Variants in VPS53 observed in about 807,000 individuals in gnomAD.
VPS53 encodes the protein vacuolar protein sorting-associated protein 53 homolog.
A neutral mutation model predicts 107.0 loss-of-function variants in VPS53; 70 were observed. The ratio of observed to expected loss-of-function variants is 0.65; its 90% CI spans 0.54 to 0.80. The LOEUF (loss-of-function observed/expected upper bound fraction) is 0.80. Among genes scored for constraint, VPS53 ranks in the 30% least tolerant of loss-of-function variants. The pLI is 0.00. For synonymous variants in VPS53, 409 were observed against 393.3 expected (o/e 1.04, Z -0.47); for missense variants, 917 against 1,049.4 (o/e 0.87, Z 1.74).
chr17:532,827 C>T lies in VPS53; in HGVS notation c.2085+15G>A, dbSNP rs1567602442. The T allele has an allele frequency of 1.2e-6, 2 of 1,613,544 alleles. No homozygotes were observed. Among genetic ancestry groups the T allele is most frequent in the Admixed American group, 3.3e-5 (2 of 59,974 alleles). On this transcript the variant is annotated intron_variant, in intron 19 of 21. Transcript: ENST00000437048. Reference sequence around the variant, plus strand: ...AAAGCTGCCAGGCAAATGCCTGATACTACGTCCATCTCACCTGTTCTGCTC... The same window carrying T: ...AAAGCTGCCAGGCAAATGCCTGATATTACGTCCATCTCACCTGTTCTGCTC...
Position 626,491 on chromosome 17 carries a change from T to C in VPS53, c.974+683A>G, listed in dbSNP as rs997467632. On this transcript the variant is annotated intron_variant, in intron 10 of 21. Transcript: ENST00000437048. ...GACTTCAAGACCAGCCTGGCCAACG[T>C]GGTGAAACCCCATCTCTACTAAAAA... 9.2e-5 allele frequency among the ~76,000 whole-genome samples: 14 copies of C among 152,072 alleles called. No homozygotes were observed. In the East Asian group the frequency reaches 1.5e-3, roughly 17 times the overall value.
intron 17 of VPS53, among the ~76,000 whole-genome samples, chr17:540,034 C>T (rs944092304): frequency 6.6e-6 from 1 of 152,072 alleles, no homozygotes; most frequent in Non-Finnish European, 1.5e-5. Flanking sequence ...CCAAACCCCA[C>T]AACAAGGTGC....
At chr17:621,199 TAA>T (rs1969454305) in intron 11 of VPS53, among the ~76,000 whole-genome samples, 1 of 152,204 alleles carries the variant, frequency 6.6e-6, no homozygotes, top group Non-Finnish European at 1.5e-5. Context: ...ACTTTTTCCA[TAA>T]AAGACATTAT....
intron 19 of VPS53, among the ~76,000 whole-genome samples, chr17:529,878 A>AG (rs1909400835): frequency 1.3e-5 from 2 of 151,738 alleles, no homozygotes; most frequent in African/African-American, 4.8e-5. Flanking sequence ...CCAAAAAAAA[A>AG]AAAAAAGAGC....
intron 11 of VPS53, among the ~76,000 whole-genome samples, chr17:617,419 T>A (rs1304973445): frequency 6.6e-6 from 1 of 152,264 alleles, no homozygotes; most frequent in East Asian, 1.9e-4. Context: ...TTTCTGTTTT[T>A]TTGAGACAGT....
intron 12 of VPS53, among the ~76,000 whole-genome samples, chr17:598,708 G>T (rs368394489): frequency 8.6e-6 from 1 of 116,836 alleles, no homozygotes; most frequent in Non-Finnish European, 2.0e-5. Flanking sequence ...TGAGAAGTGA[G>T]GAGACCCTCT....
chr17:577,330 A>G (rs561437644), intron 13 of VPS53, among the ~76,000 whole-genome samples: 12 of 150,948 alleles, frequency 7.9e-5, no homozygotes, highest in East Asian at 5.9e-4. Flanking sequence ...CAGAACCTCA[A>G]TGAGTTACCA....
intron 4 of VPS53, among the ~76,000 whole-genome samples, chr17:693,781 A>G (rs1972854060): frequency 6.7e-6 from 1 of 148,934 alleles, no homozygotes; most frequent in Non-Finnish European, 1.5e-5. Flanking sequence ...CTGGTTAAAC[A>G]CAATCAAGAT....
At chr17:536,963 G>T in intron 18 of VPS53, 65 bp downstream of exon 18, 1 of 1,588,436 alleles carries the variant, frequency 6.3e-7, no homozygotes, top group Non-Finnish European at 8.6e-7. Context: ...ACCTGAAACT[G>T]TTCTAAAACA....
In VPS53 at chr17:591,577, C is replaced by T. The variant is rs1013493477; in HGVS notation, c.1219-5213G>A. On this transcript the variant is annotated intron_variant, in intron 12 of 21. Transcript: ENST00000437048. ...GTGTCCCAGAGATTCTGGTATGTTG[C>T]GTCTTTGTTCTCGTTGGTTTCAAAG... 4.5e-4 allele frequency among the ~76,000 whole-genome samples: 69 copies of T among 152,048 alleles called. 1 individual carries two copies. The East Asian group carries it at 0.011, about 24-fold the overall frequency.
chr17:656,833 C>T, intron 5 of VPS53: 3 of 1,587,644 alleles, frequency 1.9e-6, no homozygotes, highest in Non-Finnish European at 1.7e-6. Context: ...TCTTGTCTCT[C>T]TCTTCAGCAA....
Position 646,994 on chromosome 17 carries a change from G to A in VPS53, c.608+6297C>T, listed in dbSNP as rs528947004. 5.3e-5 allele frequency among the ~76,000 whole-genome samples: 8 copies of A among 152,182 alleles called. No individual in the cohort carries two copies. In the South Asian group the frequency reaches 8.3e-4, roughly 16 times the overall value. On this transcript the variant is annotated intron_variant, in intron 7 of 21. Coordinates refer to ENST00000437048, the MANE Select transcript of VPS53 (RefSeq NM_001128159.3). Reference sequence around the variant, plus strand: ...AAATACAAGTGAGATCATGCCCCCCGCACTTAAAATCTTTCACTGTCCACA... The same window carrying A: ...AAATACAAGTGAGATCATGCCCCCCACACTTAAAATCTTTCACTGTCCACA...
chr17:688,770 T>C (rs1310594992), intron 4 of VPS53, among the ~76,000 whole-genome samples: 3 of 152,146 alleles, frequency 2.0e-5, no homozygotes, highest in African/African-American at 4.8e-5. Context: ...GGGAAATGAC[T>C]GTGAGCCCGA....
At chr17:581,066 T>C (rs1966989001) in intron 13 of VPS53, among the ~76,000 whole-genome samples, 1 of 151,636 alleles carries the variant, frequency 6.6e-6, no homozygotes, top group Non-Finnish European at 1.5e-5. Flanking sequence ...CAAGACCTAA[T>C]GTGTTCCCAG....
At chr17:672,657 A>C (rs773773164) in intron 4 of VPS53, among the ~76,000 whole-genome samples, 16 of 152,202 alleles carry the variant, frequency 1.1e-4, no homozygotes, top group African/African-American at 1.4e-4. Flanking sequence ...AAAAAAATTG[A>C]AGTCTTTTGT....
chr17:557,696 AAAC>A (rs970025644), intron 15 of VPS53, among the ~76,000 whole-genome samples: 12 of 152,144 alleles, frequency 7.9e-5, no homozygotes, highest in African/African-American at 2.9e-4. Context: ...TAATCAATAA[AAAC>A]AATTTTCACT....
chr17:691,467 C>T (rs1972773486), intron 4 of VPS53, among the ~76,000 whole-genome samples: 2 of 152,182 alleles, frequency 1.3e-5, no homozygotes, highest in Non-Finnish European at 2.9e-5. Flanking sequence ...GAAGATTGTA[C>T]TACAATTACC....
intron 4 of VPS53, among the ~76,000 whole-genome samples, chr17:679,011 C>T (rs533207672): frequency 2.6e-5 from 4 of 152,176 alleles, no homozygotes; most frequent in South Asian, 2.1e-4. Context: ...TACCTTTAAG[C>T]GCTCTTCTTA....
At chr17:562,371 G>A (rs550036200) in intron 14 of VPS53, 132 bp downstream of exon 14, 63 of 1,277,604 alleles carry the variant, frequency 4.9e-5, no homozygotes, top group Admixed American at 2.6e-4. Context: ...TCAGGCCCTC[G>A]GGAACTCAGG....
Sources: gnomAD v4.1 joint callset for allele counts (sites outside exome capture counted in the v4.1 genomes callset) on GRCh38, gnomAD v4.1.1 for gene constraint, MANE v1.5 for transcripts, NCBI Gene and HGNC (gene_info 2026-07-23, HGNC 2026-07-21) for gene names.